The following CCDC88C variants were observed in gnomAD, a reference collection of about 807,000 sequenced individuals.
The protein encoded by CCDC88C is protein Daple.
In CCDC88C, 131 loss-of-function variants were observed where a neutral mutation model predicts 198.8. The ratio of observed to expected loss-of-function variants is 0.66; its 90% CI spans 0.57 to 0.76. The LOEUF is 0.76. CCDC88C is among the 30% of genes least tolerant of loss of function. The pLI is 0.00. For missense variants in CCDC88C, 2,553 were observed against 2,631.6 expected, an observed-to-expected ratio of 0.97 and a Z score of 0.65; for synonymous variants, 1,166 against 1,114.7, an observed-to-expected ratio of 1.05 and a Z score of -0.92.
chr14:91,340,859 G>A (rs1458416238), intron 6 of CCDC88C, among the ~76,000 whole-genome samples: 1 of 151,990 alleles, frequency 6.6e-6, no homozygotes, highest in Non-Finnish European at 1.5e-5. Context: ...AAAATTAGCC[G>A]GGCGAGGTGG....
Position 91,339,270 on chromosome 14 carries a change from G to A in CCDC88C, c.809+8C>T. On this transcript the variant is annotated splice_region_variant and intron_variant, in intron 8 of 29. Coordinates refer to ENST00000389857, the MANE Select transcript of CCDC88C (RefSeq NM_001080414.4). The surrounding 1 kb of genome is among the most constrained non-coding windows in gnomAD (Gnocchi z 5.8). ...ACACAAAGGTAGGAGAAGCAGCCGG[G>A]GACTCACAGCTCCTGCCTGACGCGC... 4 of 1,612,060 alleles carry A rather than the reference G, an allele frequency of 2.5e-6. No homozygotes were observed. Among genetic ancestry groups the A allele is most frequent in the Non-Finnish European group, 3.4e-6 (4 of 1,179,754 alleles).
At chr14:91,293,434 CCGT>C in intron 23 of CCDC88C, among the ~76,000 whole-genome samples, 1 of 143,292 alleles carries the variant, frequency 7.0e-6, no homozygotes, top group Non-Finnish European at 1.5e-5. Flanking sequence ...GCCCACCTTC[CCGT>C]CCTCACCTGC....
rs149283102 is a variant in CCDC88C, at chr14:91,278,923, T to C, written c.4768+315A>G. 5.3e-3 allele frequency among the ~76,000 whole-genome samples: 509 copies of C among 96,290 alleles called. 6 individuals are homozygous for C. The highest frequency in any genetic ancestry group is 0.021 in the Middle Eastern group (3 of 142). 63.2% of individuals were successfully genotyped at this position (96,290 alleles called of 152,430 possible). ...TTTTTTTTTTTTTTTTTTTCTGAGA[T>C]AGGGTCTCACTTCTGTTTTTCAGGC... On this transcript the variant is annotated intron_variant, in intron 28 of 29. Transcript: ENST00000389857.
rs1019097577 is a variant in CCDC88C, at chr14:91,339,784, G to A, written c.624+100C>T. On this transcript the variant is annotated intron_variant, in intron 7 of 29. Transcript: ENST00000389857. The surrounding 1 kb of genome is among the most constrained non-coding windows in gnomAD (Gnocchi z 5.8). ...ACGTCCCACCCCCACCAGAACCTCA[G>A]CAGCAGGACCGAGGCGTCTAGGCTG... 27 of 1,359,108 alleles carry A rather than the reference G, an allele frequency of 2.0e-5. No homozygotes were observed. The highest frequency in any genetic ancestry group is 2.9e-5 in the African/African-American group (2 of 68,094). 84.2% of individuals were successfully genotyped at this position (1,359,108 alleles called of 1,614,324 possible).
chr14:91,342,241 G>A (rs911011559), intron 6 of CCDC88C, 139 bp downstream of exon 6: 1 of 578,626 alleles, frequency 1.7e-6, no homozygotes, highest in Admixed American at 2.7e-5. Context: ...TGTGTCTGTG[G>A]TGTCTGAAAC....
At chr14:91,329,077 C>A (rs911604402) in intron 10 of CCDC88C, among the ~76,000 whole-genome samples, 3 of 151,848 alleles carry the variant, frequency 2.0e-5, no homozygotes, top group Non-Finnish European at 4.4e-5. Flanking sequence ...AGGCAGACAT[C>A]CTACCCACCC....
At chr14:91,332,335 G>A (rs998611739) in intron 10 of CCDC88C, among the ~76,000 whole-genome samples, 1 of 152,120 alleles carries the variant, frequency 6.6e-6, no homozygotes. Context: ...GACACCCCAC[G>A]CCCGCCCGCA....
Position 91,273,036 on chromosome 14 carries a change from C to T in CCDC88C, c.5676G>A (p.Lys1892=). The T allele has an allele frequency of 6.4e-7, 1 of 1,555,304 alleles. No individual in the cohort carries two copies. Among genetic ancestry groups the T allele is most frequent in the Non-Finnish European group, 8.7e-7 (1 of 1,153,206 alleles). ...DTRRFSLAPP[K]EERLAPLHQS... is the part of the protein sequence containing the mutation. ...GATGCAGGGGGGCCAGCCTCTCCTC[C>T]TTTGGGGGAGCCAGGGAGAAGCGCC... The change falls in exon 30 of 30, where the codon AAG becomes AAA. Residue 1892 remains lysine (K), a synonymous_variant. Transcript: ENST00000389857. This position sits in a 1 kb window ranked among gnomAD's most constrained non-coding sequence, Gnocchi z 5.6.
intron 3 of CCDC88C, chr14:91,379,839 G>A (rs572950875): frequency 8.5e-6 from 6 of 703,030 alleles, no homozygotes; most frequent in African/African-American, 3.5e-5. Context: ...AAACTCAAAC[G>A]CTGTGTCTGC....
chr14:91,290,909 T>C, intron 24 of CCDC88C, 86 bp downstream of exon 24: 1 of 783,836 alleles, frequency 1.3e-6, no homozygotes, highest in South Asian at 1.5e-5. Flanking sequence ...GTGCGGGGCC[T>C]GCCCTAGATG....
chr14:91,306,035 A>C, intron 18 of CCDC88C, 109 bp from the exon 19 acceptor site: 1 of 1,085,920 alleles, frequency 9.2e-7, no homozygotes, highest in African/African-American at 1.6e-5. Flanking sequence ...TTTGGGGGCC[A>C]AATCGAGGGT....
intron 20 of CCDC88C, among the ~76,000 whole-genome samples, 181 bp downstream of exon 20, chr14:91,303,520 C>G (rs1891414311): frequency 6.7e-6 from 1 of 149,464 alleles, no homozygotes; most frequent in Non-Finnish European, 1.5e-5. Context: ...CACCCCTCCT[C>G]CAGGCTCTAT....
At chr14:91,409,528 C>A (rs191434449) in intron 2 of CCDC88C, among the ~76,000 whole-genome samples, 1 of 147,700 alleles carries the variant, frequency 6.8e-6, no homozygotes, top group Non-Finnish European at 1.5e-5. Context: ...TGCTCTTTTG[C>A]CCAGACTGGA....
At chr14:91,314,244 G>C in intron 14 of CCDC88C, 94 bp from the exon 15 acceptor site, 1 of 1,030,762 alleles carries the variant, frequency 9.7e-7, no homozygotes, top group Non-Finnish European at 1.4e-6. Context: ...AGAAGGCCTT[G>C]AACGGCTGTC....
rs151077483 is a variant in CCDC88C, at chr14:91,371,921, A to T, written c.271-12210T>A. Among the ~76,000 whole-genome samples, 155 of 152,216 alleles carry T rather than the reference A, an allele frequency of 1.0e-3. No individual in the cohort carries two copies. Among genetic ancestry groups the T allele is most frequent in the Middle Eastern group, 3.4e-3 (1 of 294 alleles). ...CCTCCAGCGGTAGATGGCAGCCCAG[A>T]CCACCCCAGCCTGCTGGGACCTGTG... On this transcript the variant is annotated intron_variant, in intron 3 of 29. Transcript: ENST00000389857. The surrounding 1 kb of genome is among the most constrained non-coding windows in gnomAD (Gnocchi z 4.2).
At position 91,307,072 on chromosome 14, in the gene CCDC88C, C is replaced by T. The variant is rs780185672; in HGVS notation, c.3161G>A (p.Arg1054Gln). The change falls in exon 18 of 30, where the codon CGA becomes CAA. Residue 1054 changes from arginine (R) to glutamine (Q), a missense_variant. By Grantham distance (43) the Arg-to-Gln change is conservative. Coordinates refer to ENST00000389857, the MANE Select transcript of CCDC88C (RefSeq NM_001080414.4). ...GHKEATMELL[R>Q]VKDRAIELER... ...CAGCTCGATGGCCCGGTCCTTCACTCGGAGAAGCTCCATGGTGGCTTCCTT... is the reference window on the plus strand; with the variant it reads ...CAGCTCGATGGCCCGGTCCTTCACTTGGAGAAGCTCCATGGTGGCTTCCTT... The T allele has an allele frequency of 1.8e-5, 29 of 1,613,456 alleles. No individual in the cohort carries two copies. The South Asian group carries it at 2.0e-4, about 11-fold the overall frequency.
chr14:91,372,051 C>G (rs1894831951), intron 3 of CCDC88C, among the ~76,000 whole-genome samples: 1 of 152,208 alleles, frequency 6.6e-6, no homozygotes, highest in Non-Finnish European at 1.5e-5. Context: ...GGTACCAGCA[C>G]TCCCGAGTGA....
At chr14:91,305,622 G>T in intron 19 of CCDC88C, 143 bp downstream of exon 19, 1 of 687,122 alleles carries the variant, frequency 1.5e-6, no homozygotes, top group Non-Finnish European at 2.3e-6. Context: ...GTTTACAGCG[G>T]GTCTCTATTA....
chr14:91,289,377 C>G (rs1890564601), intron 24 of CCDC88C, 34 bp from the exon 25 acceptor site: 1 of 1,575,370 alleles, frequency 6.3e-7, no homozygotes, highest in South Asian at 1.1e-5. Context: ...ACATAGCCAG[C>G]CCTCCCACAC....
Sources: allele counts gnomAD v4.1 joint callset (sites outside exome capture counted in the v4.1 genomes callset), GRCh38; gene constraint gnomAD v4.1.1; non-coding constraint Gnocchi (gnomAD v3.1); transcripts MANE v1.5; gene names NCBI Gene and HGNC (gene_info 2026-07-23, HGNC 2026-07-21).